Variants in CDADC1 observed in about 807,000 individuals in gnomAD.
CDADC1 encodes the protein dCTP deaminase.
In CDADC1, 39 loss-of-function variants were observed where a neutral mutation model predicts 54.9. The ratio of observed to expected loss-of-function variants is 0.71; its 90% CI spans 0.55 to 0.93. The LOEUF (loss-of-function observed/expected upper bound fraction) is 0.93, where lower values mean the gene tolerates loss of function less well. Among genes scored for constraint, CDADC1 ranks in the 40% least tolerant of loss-of-function variants. CDADC1 has a pLI of 0.00. For synonymous variants in CDADC1, 186 were observed against 204.0 expected (o/e 0.91, Z 0.75); for missense variants, 518 against 618.8 (o/e 0.84, Z 1.73).
chr13:49,278,292 A>G (rs566357801), intron 6 of CDADC1, 58 bp from the exon 7 acceptor site: 1 of 1,281,126 alleles, frequency 7.8e-7, no homozygotes, highest in East Asian at 2.5e-5. Flanking sequence ...TCAAAAATAC[A>G]TTGCAAAGTG....
chr13:49,256,132 A>T (rs1593793534), intron 3 of CDADC1, among the ~76,000 whole-genome samples: 3 of 81,382 alleles, frequency 3.7e-5, no homozygotes, highest in South Asian at 4.0e-4. Flanking sequence ...ATCTTGCTTT[A>T]AAAAAAAAAA....
Position 49,282,833 on chromosome 13 carries a change from G to A in CDADC1, c.1410+2135G>A, listed in dbSNP as rs148655340. On this transcript the variant is annotated intron_variant, in intron 8 of 9. Coordinates refer to ENST00000251108, the MANE Select transcript of CDADC1 (RefSeq NM_030911.4). ...ACTGCCCATGCAAGGGATCTAGGTT[G>A]TGCACTCCTTATGAGAATCTAAAGC... 2.2e-3 allele frequency among the ~76,000 whole-genome samples: 341 copies of A among 152,338 alleles called. 2 individuals are homozygous for A. Among genetic ancestry groups the A allele is most frequent in the African/African-American group, 7.3e-3 (303 of 41,580 alleles).
chr13:49,286,277 G>T lies in CDADC1; in HGVS notation c.1466G>T (p.Arg489Ile). The change falls in exon 9 of 10, where the codon AGA (arginine) becomes ATA (isoleucine). Residue 489 changes from arginine (R) to isoleucine (I), a missense_variant. Transcript: ENST00000251108. ...CTTGAACAAAATGAGCCTGAAAGGA[G>T]AGAAAGTAAGTATTTATGTATTGAG... ...YGLEQNEPER[R>I]ENGVLRPVPQ... 6.2e-7 allele frequency: 1 copy of T among 1,611,432 alleles called. No homozygotes were observed. The highest frequency in any genetic ancestry group is 8.5e-7 in the Non-Finnish European group (1 of 1,177,592).
chr13:49,277,714 A>G (rs1255542650), intron 6 of CDADC1, among the ~76,000 whole-genome samples: 2 of 152,198 alleles, frequency 1.3e-5, no homozygotes, highest in Admixed American at 6.5e-5. Flanking sequence ...ATTAACTACT[A>G]TTTCTCTTTA....
chr13:49,283,081 T>C (rs916241952), intron 8 of CDADC1, among the ~76,000 whole-genome samples: 4 of 152,180 alleles, frequency 2.6e-5, no homozygotes, highest in Non-Finnish European at 5.9e-5. Context: ...AAAAATGATA[T>C]AAAAGAACCG....
At chr13:49,252,965 T>C (rs1952467794) in intron 2 of CDADC1, among the ~76,000 whole-genome samples, 1 of 152,222 alleles carries the variant, frequency 6.6e-6, no homozygotes, top group South Asian at 2.1e-4. Context: ...CCATTTACTA[T>C]AGTATATTTT....
chr13:49,257,499 G>A (rs753581248), intron 3 of CDADC1, among the ~76,000 whole-genome samples: 1 of 152,122 alleles, frequency 6.6e-6, no homozygotes, highest in African/African-American at 2.4e-5. Flanking sequence ...GGCCGGGCAC[G>A]GTGGCTCACG....
At chr13:49,272,364 C>T (rs183298560) in intron 5 of CDADC1, among the ~76,000 whole-genome samples, 1 of 152,288 alleles carries the variant, frequency 6.6e-6, no homozygotes, top group East Asian at 1.9e-4. Flanking sequence ...TCATGTTAAA[C>T]TCTAAAGGTC....
chr13:49,276,926 T>A (rs1351452310), intron 6 of CDADC1, among the ~76,000 whole-genome samples: 3 of 152,200 alleles, frequency 2.0e-5, no homozygotes, highest in Non-Finnish European at 4.4e-5. Flanking sequence ...ATCTGGTTGT[T>A]AATGATTTTG....
At chr13:49,255,636 A>T (rs1459974114) in intron 2 of CDADC1, among the ~76,000 whole-genome samples, 2 of 152,168 alleles carry the variant, frequency 1.3e-5, no homozygotes, top group African/African-American at 4.8e-5. Context: ...GGGAAAGTAC[A>T]TAGGGGATAG....
At chr13:49,283,094 T>C (rs970240326) in intron 8 of CDADC1, among the ~76,000 whole-genome samples, 1 of 152,200 alleles carries the variant, frequency 6.6e-6, no homozygotes, top group African/African-American at 2.4e-5. Context: ...AAGAACCGTT[T>C]ATATATTTCA....
At chr13:49,263,486 C>T (rs1952736185) in intron 4 of CDADC1, among the ~76,000 whole-genome samples, 2 of 152,126 alleles carry the variant, frequency 1.3e-5, no homozygotes, top group African/African-American at 4.8e-5. Flanking sequence ...CGGACTTTAA[C>T]GTAACAGTTC....
intron 2 of CDADC1, 144 bp from the exon 3 acceptor site, chr13:49,255,695 C>A: frequency 1.1e-6 from 1 of 947,916 alleles, no homozygotes; most frequent in Non-Finnish European, 1.6e-6. Flanking sequence ...TTGATCCAAA[C>A]AAAGTGGGAA....
At chr13:49,258,318 A>G (rs1369323044) in intron 3 of CDADC1, among the ~76,000 whole-genome samples, 3 of 152,206 alleles carry the variant, frequency 2.0e-5, no homozygotes, top group Non-Finnish European at 4.4e-5. Flanking sequence ...CCTTAGCCCA[A>G]GCTCCCCTCA....
At chr13:49,253,098 TTTG>T (rs1351069040) in intron 2 of CDADC1, among the ~76,000 whole-genome samples, 4 of 152,228 alleles carry the variant, frequency 2.6e-5, no homozygotes, top group Non-Finnish European at 4.4e-5. Flanking sequence ...TTAGTCTGCT[TTTG>T]TTGTACAGAG....
intron 5 of CDADC1, among the ~76,000 whole-genome samples, chr13:49,269,244 TTTATAAAAAGTA>T (rs1427276782): frequency 3.3e-5 from 2 of 61,292 alleles, no homozygotes; most frequent in Non-Finnish European, 8.5e-5. Flanking sequence ...CATTGAAACT[TTTATAAAAAGTA>T]CAGATGCTAT....
Position 49,247,998 on chromosome 13 carries a change from G to A in CDADC1, c.-40G>A, listed in dbSNP as rs1166574358. 1 of 1,530,988 alleles carries A rather than the reference G, an allele frequency of 6.5e-7. No homozygotes were observed. The allele number at this position is 1,530,988 out of a possible 1,614,324, so 94.8% of individuals were successfully genotyped here. ...GCTAGGGCCGAGATCATGTCTGACT[G>A]GGAGAGGTTTCCTTGGCAGCAGAGG... On this transcript the variant is annotated 5_prime_UTR_variant, in exon 1 of 10. It introduces an in-frame stop codon into an upstream open reading frame of the 5' UTR. Transcript: ENST00000251108.
At chr13:49,252,562 C>G (rs1025519331) in intron 2 of CDADC1, among the ~76,000 whole-genome samples, 10 of 152,098 alleles carry the variant, frequency 6.6e-5, no homozygotes, top group African/African-American at 2.4e-4. Context: ...TGCAAAAAAG[C>G]AAGACCAATG....
Position 49,248,009 on chromosome 13 carries a change from C to G in CDADC1, c.-29C>G. ...GATCATGTCTGACTGGGAGAGGTTTCCTTGGCAGCAGAGGACGCTAGGTTT... is the reference window on the plus strand; with the variant it reads ...GATCATGTCTGACTGGGAGAGGTTTGCTTGGCAGCAGAGGACGCTAGGTTT... On this transcript the variant is annotated 5_prime_UTR_variant, in exon 1 of 10. Coordinates refer to ENST00000251108, the MANE Select transcript of CDADC1 (RefSeq NM_030911.4). 6.5e-7 allele frequency: 1 copy of G among 1,548,110 alleles called. No homozygotes were observed. Among genetic ancestry groups the G allele is most frequent in the Non-Finnish European group, 8.7e-7 (1 of 1,143,916 alleles).
Sources: gnomAD v4.1 joint callset for allele counts (sites outside exome capture counted in the v4.1 genomes callset) on GRCh38, gnomAD v4.1.1 for gene constraint, MANE v1.5 for transcripts, NCBI Gene and HGNC (gene_info 2026-07-23, HGNC 2026-07-21) for gene names.